The following KCTD13 variants were observed in gnomAD, a reference collection of about 807,000 sequenced individuals.
KCTD13 encodes the protein potassium channel tetramerization domain containing 13.
Under a neutral mutation model 32.3 loss-of-function variants are expected in KCTD13, and 15 were observed. The ratio of observed to expected loss-of-function variants is 0.46; its 90% CI spans 0.31 to 0.71. The LOEUF (loss-of-function observed/expected upper bound fraction) is 0.71, where lower values mean the gene tolerates loss of function less well. KCTD13 is among the 30% of genes least tolerant of loss of function. The pLI is 0.05. For synonymous variants in KCTD13, 189 were observed against 200.1 expected, an observed-to-expected ratio of 0.94 and a Z score of 0.47; for missense variants, 337 against 452.6, an observed-to-expected ratio of 0.74 and a Z score of 2.32.
intron 2 of KCTD13, chr16:29,921,649 G>A (rs1025177733): frequency 2.0e-5 from 3 of 152,024 alleles, no homozygotes; most frequent in East Asian, 1.9e-4. Context: ...ACTACAGGCC[G>A]GGTTTTAAAA....
At chr16:29,919,910 T>C (rs1410754957) in intron 2 of KCTD13, 2 of 152,214 alleles carry the variant, frequency 1.3e-5, no homozygotes, top group African/African-American at 4.8e-5. Context: ...TTCCATTCAA[T>C]GCTAGATGCC....
chr16:29,906,765 G>A lies in KCTD13; in HGVS notation c.*107C>T. The A allele has an allele frequency of 1.1e-6, 1 of 904,124 alleles. No homozygotes were observed. Among genetic ancestry groups the A allele is most frequent in the Non-Finnish European group, 1.7e-6 (1 of 576,904 alleles). The allele number at this position is 904,124 out of a possible 1,614,324, so 56.0% of individuals were successfully genotyped here. ...TGCCATGCAATGAAGGGACAGAGGA[G>A]GACCCACGACTTGGCCAGCAGAGCC... On this transcript the variant is annotated 3_prime_UTR_variant, in exon 6 of 6. Transcript: ENST00000568000.
rs57383025 is a variant in KCTD13, at chr16:29,923,031, C to T, written c.414+159G>A. The T allele has an allele frequency of 2.0e-3, 1,422 of 726,288 alleles. 23 individuals are homozygous for T. In the East Asian group the frequency reaches 0.034, roughly 18 times the overall value. 45.0% of individuals were successfully genotyped at this position (726,288 alleles called of 1,614,324 possible). On this transcript the variant is annotated intron_variant, in intron 2 of 5. Transcript: ENST00000568000. Reference sequence around the variant, plus strand: ...GCTGGGGTGGGGGTGCTGCCTGAGGCGGCAGGGATGCAGAAGATGGCACCT... The same window carrying T: ...GCTGGGGTGGGGGTGCTGCCTGAGGTGGCAGGGATGCAGAAGATGGCACCT...
At chr16:29,924,114 C>T (rs532510985) in intron 1 of KCTD13, among the ~76,000 whole-genome samples, 7 of 149,956 alleles carry the variant, frequency 4.7e-5, no homozygotes, top group Non-Finnish European at 8.9e-5. Context: ...GTGGGGGTTG[C>T]GGTGAGCCGA....
chr16:29,923,445 TG>T (rs1258173134), intron 1 of KCTD13, 86 bp from the exon 2 acceptor site: 3 of 1,181,748 alleles, frequency 2.5e-6, no homozygotes. Context: ...TTTGTAGAGA[TG>T]GAGTCTCACT....
At chr16:29,916,979 A>G (rs1262823280) in intron 2 of KCTD13, among the ~76,000 whole-genome samples, 6 of 152,218 alleles carry the variant, frequency 3.9e-5, no homozygotes, top group Non-Finnish European at 1.5e-5. Context: ...GTGTCCTCAC[A>G]TAGCATTCAC....
At chr16:29,910,697 C>T (rs1342908757) in intron 5 of KCTD13, among the ~76,000 whole-genome samples, 2 of 152,140 alleles carry the variant, frequency 1.3e-5, no homozygotes, top group African/African-American at 4.8e-5. Context: ...ACCCCCTATA[C>T]AGAAAAATGC....
chr16:29,907,451 G>T (rs943557199), intron 5 of KCTD13, among the ~76,000 whole-genome samples: 17 of 152,184 alleles, frequency 1.1e-4, no homozygotes, highest in African/African-American at 3.9e-4. Flanking sequence ...TCTGTCCTCA[G>T]GAGGTTACAT....
At chr16:29,909,295 G>T (rs2068664977) in intron 5 of KCTD13, among the ~76,000 whole-genome samples, 1 of 152,192 alleles carries the variant, frequency 6.6e-6, no homozygotes, top group South Asian at 2.1e-4. Flanking sequence ...CCCAAAGAAA[G>T]TGATGCTTAG....
At chr16:29,908,413 C>T (rs2068650228) in intron 5 of KCTD13, among the ~76,000 whole-genome samples, 1 of 151,980 alleles carries the variant, frequency 6.6e-6, no homozygotes, top group African/African-American at 2.4e-5. Flanking sequence ...GAGACAGAGT[C>T]TTGCTCTGTC....
rs375921576 is a variant in KCTD13, at chr16:29,923,432, A to AT, written c.245-74dup. 17 of 1,271,524 alleles carry AT rather than the reference A, an allele frequency of 1.3e-5. 1 individual carries two copies. Among genetic ancestry groups the AT allele is most frequent in the South Asian group, 5.8e-5 (4 of 69,336 alleles). 78.8% of individuals were successfully genotyped at this position (1,271,524 alleles called of 1,614,324 possible). A position where few individuals can be genotyped will look rare whatever the true frequency, so the allele number is the denominator to read the frequency against. ...CCTGGAGCTACTAAATTAAAAAAAA[A>AT]TTTTTGTAGAGATGGAGTCTCACTA... On this transcript the variant is annotated intron_variant, in intron 1 of 5. Transcript: ENST00000568000.
chr16:29,925,022 C>A (rs974487263), intron 1 of KCTD13, among the ~76,000 whole-genome samples: 2 of 152,086 alleles, frequency 1.3e-5, no homozygotes, highest in African/African-American at 4.8e-5. Context: ...TGGCCGAATT[C>A]TTCACCTTTG....
Sources: allele counts gnomAD v4.1 joint callset (sites outside exome capture counted in the v4.1 genomes callset), GRCh38; gene constraint gnomAD v4.1.1; transcripts MANE v1.5; gene names NCBI Gene and HGNC (gene_info 2026-07-23, HGNC 2026-07-21).